Variants in POLR1C observed in about 807,000 individuals in gnomAD.
POLR1C encodes the protein DNA-directed RNA polymerases I and III subunit RPAC1.
POLR1C carries 42 observed loss-of-function variants against 38.3 expected under a neutral mutation model. The observed-to-expected ratio is 1.10, with a 90% CI of 0.86 to 1.42. The LOEUF (loss-of-function observed/expected upper bound fraction) is 1.42. Among genes scored for constraint, POLR1C ranks in the 40% most tolerant of loss-of-function variants. The pLI, the probability that POLR1C is intolerant of heterozygous loss-of-function variation, is 0.00. For synonymous variants in POLR1C, 163 were observed against 163.9 expected (o/e 0.99, Z 0.04); for missense variants, 507 against 450.5 (o/e 1.13, Z -1.14).
chr6:43,523,822 G>A (rs1233646203), downstream of POLR1C: 1 of 1,613,840 alleles, frequency 6.2e-7, no homozygotes. Flanking sequence ...CAAAGGGAAA[G>A]AAGAGATGAC....
At chr6:43,534,903 C>T (rs1794220915) in intron 9 of POLR1C, among the ~76,000 whole-genome samples, 2 of 151,984 alleles carry the variant, frequency 1.3e-5, no homozygotes, top group African/African-American at 4.8e-5. Context: ...GAGGCTAAGG[C>T]AGAATTGCTT....
chr6:43,534,045 G>GC, downstream of POLR1C: 1 of 1,505,406 alleles, frequency 6.6e-7, no homozygotes, highest in Non-Finnish European at 9.1e-7. Flanking sequence ...TTTTCCATCT[G>GC]ATGCAGAAGG....
At chr6:43,524,755 G>A, downstream of POLR1C, 2 of 1,592,656 alleles carry the variant, frequency 1.3e-6, no homozygotes. Context: ...CTGAATTTAG[G>A]ATAAGGCCCA....
At chr6:43,539,108 G>A in intron 9 of POLR1C, 1 of 1,270,168 alleles carries the variant, frequency 7.9e-7, no homozygotes, top group Non-Finnish European at 1.1e-6. Context: ...AGTGCCCCTG[G>A]GTGCAGGGAT....
At chr6:43,520,224 G>A (rs1477382462) in intron 5 of POLR1C, 39 bp downstream of exon 5, 1 of 1,613,884 alleles carries the variant, frequency 6.2e-7, no homozygotes, top group Non-Finnish European at 8.5e-7. Context: ...CCCACCTGTG[G>A]GTAGCTGCTA....
At chr6:43,542,827 A>C (rs1490023238) in intron 9 of POLR1C, among the ~76,000 whole-genome samples, 1 of 152,212 alleles carries the variant, frequency 6.6e-6, no homozygotes, top group Non-Finnish European at 1.5e-5. Flanking sequence ...AAAAACAGAA[A>C]ATACACATTT....
chr6:43,520,659 A>T lies in POLR1C; in HGVS notation c.690A>T (p.Thr230=). 1.9e-6 allele frequency: 3 copies of T among 1,614,186 alleles called. No homozygotes were observed. Among genetic ancestry groups the T allele is most frequent in the Non-Finnish European group, 2.5e-6 (3 of 1,180,040 alleles). The change falls in exon 7 of 9, where the codon ACA becomes ACT. Residue 230 remains threonine, a synonymous_variant. Coordinates refer to ENST00000642195, the MANE Select transcript of POLR1C (RefSeq NM_203290.4). ...KDHAKFSPVA[T]ASYRLLPDIT... ...ATGCCAAGTTTTCACCAGTGGCAAC[A>T]GCCAGTTACAGGCTCCTGCCAGACA...
chr6:43,529,451 A>G (rs1165908358), exon 9 of POLR1C: 1 of 322,544 alleles, frequency 3.1e-6, no homozygotes, highest in East Asian at 9.7e-5. Context: ...CTACTCGAGA[A>G]GCTAAGGCAA....
At chr6:43,556,450 A>C (rs900863047) in intron 10 of POLR1C, among the ~76,000 whole-genome samples, 1 of 151,388 alleles carries the variant, frequency 6.6e-6, no homozygotes, top group African/African-American at 2.4e-5. Context: ...AGCTGAGCCC[A>C]GGGAGGTGAA....
chr6:43,520,419 A>G lies in POLR1C; in HGVS notation c.647A>G (p.Lys216Arg), dbSNP rs2127690526. The change falls in exon 6 of 9, where the codon AAG becomes AGG. Residue 216 changes from lysine (K) to arginine (R), a missense_variant. Lys to Arg is a conservative substitution (Grantham distance 26). Coordinates refer to ENST00000642195, the MANE Select transcript of POLR1C (RefSeq NM_203290.4). ...ATTGACCTGCTCATGCACTGTGTCA[A>G]GGGCATTGGTGAGAACCCTGTGTGC... ...QEIDLLMHCV[K>R]GIGKDHAKFS... The G allele has an allele frequency of 6.2e-7, 1 of 1,613,608 alleles. No individual in the cohort carries two copies. The highest frequency in any genetic ancestry group is 8.5e-7 in the Non-Finnish European group (1 of 1,180,026).
intron 2 of POLR1C, among the ~76,000 whole-genome samples, chr6:43,518,177 T>C (rs568285474): frequency 1.3e-5 from 2 of 152,272 alleles, no homozygotes; most frequent in African/African-American, 2.4e-5. Context: ...ATTTGCAACC[T>C]TGGTGGCTGG....
chr6:43,526,920 G>GCGGT lies in POLR1C; in HGVS notation c.923-2329_923-2328insCGGT, dbSNP rs1173378261. 4.7e-6 allele frequency: 3 copies of GCGGT among 641,600 alleles called. No individual in the cohort carries two copies. In the African/African-American group the frequency reaches 5.4e-5, roughly 12 times the overall value. The allele number at this position is 641,600 out of a possible 1,614,324, so 39.7% of individuals were successfully genotyped here. ...CCAATAGAAATAGAGGCATTCTGATGACCGAACTGTTTTGGTCCTTCAAGT... is the reference window on the plus strand; with the variant it reads ...CCAATAGAAATAGAGGCATTCTGATGCGGTACCGAACTGTTTTGGTCCTTCAAGT... On this transcript the variant is annotated intron_variant, in intron 8 of 8. Coordinates refer to the POLR1C transcript ENST00000304004.
chr6:43,533,153 A>G (rs1294720935), downstream of POLR1C, among the ~76,000 whole-genome samples: 2 of 151,540 alleles, frequency 1.3e-5, no homozygotes, highest in Non-Finnish European at 2.9e-5. Context: ...AACAAAACAA[A>G]AAAGGTAACA....
intron 10 of POLR1C, among the ~76,000 whole-genome samples, chr6:43,561,220 AATC>A (rs1337373502): frequency 2.4e-4 from 36 of 152,250 alleles, no homozygotes; most frequent in African/African-American, 8.7e-4. Flanking sequence ...TTGCCTACTC[AATC>A]ATCATCATTA....
intron 9 of POLR1C, among the ~76,000 whole-genome samples, chr6:43,545,900 T>A (rs1246302509): frequency 6.6e-6 from 1 of 152,200 alleles, no homozygotes; most frequent in African/African-American, 2.4e-5. Context: ...TCATGTGATC[T>A]AAAACAGTGA....
downstream of POLR1C, chr6:43,524,857 G>C: frequency 6.2e-7 from 1 of 1,613,866 alleles, no homozygotes; most frequent in Non-Finnish European, 8.5e-7. Context: ...TGGAAGGCCA[G>C]ATGGACCAGG....
rs1475285462 is a variant in POLR1C, at chr6:43,520,083, G to T, written c.400G>T (p.Glu134Ter). 7.4e-6 allele frequency: 12 copies of T among 1,614,106 alleles called. No individual in the cohort carries two copies. The Admixed American group carries it at 1.2e-4, about 16-fold the overall frequency. ...YRNQGDEEGTEIDTLQFRLQV... is the reference protein window; with the variant it reads ...YRNQGDEEGT Reference sequence around the variant, plus strand: ...TTGTGCAGGAGATGAAGAAGGCACAGAGATAGATACTCTACAGTTTCGTCT... The same window carrying T: ...TTGTGCAGGAGATGAAGAAGGCACATAGATAGATACTCTACAGTTTCGTCT... Residue 134 changes from glutamate (E) to a stop codon, truncating the protein, a stop_gained, in exon 5 of 9, where the codon GAG becomes TAG. Coordinates refer to ENST00000642195, the MANE Select transcript of POLR1C (RefSeq NM_203290.4). LOFTEE classifies it high-confidence loss of function.
chr6:43,520,776 TA>T lies in POLR1C; in HGVS notation c.805+3del. 7 of 1,613,786 alleles carry T rather than the reference TA, an allele frequency of 4.3e-6. No homozygotes were observed. Among genetic ancestry groups the T allele is most frequent in the Non-Finnish European group, 5.9e-6 (7 of 1,179,968 alleles). ...TTATTGAGGTGCAGGAAGTCCAAGGTATGGTATTTGGGATGCTGTTCAAGTT... is the reference window on the plus strand; with the variant it reads ...TTATTGAGGTGCAGGAAGTCCAAGGTTGGTATTTGGGATGCTGTTCAAGTT... On this transcript the variant is annotated splice_donor_region_variant and intron_variant, in intron 7 of 8. Transcript: ENST00000642195.
intron 8 of POLR1C, chr6:43,527,749 G>T (rs913433013): frequency 6.2e-7 from 1 of 1,613,336 alleles, no homozygotes; most frequent in Non-Finnish European, 8.5e-7. Context: ...AAACCAGGGG[G>T]CCAAGTTCCA....
Sources: allele counts gnomAD v4.1 joint callset (sites outside exome capture counted in the v4.1 genomes callset), GRCh38; gene constraint gnomAD v4.1.1; transcripts MANE v1.5; gene names NCBI Gene and HGNC (gene_info 2026-07-23, HGNC 2026-07-21).